The following FBXL17 variants were observed in gnomAD, a reference collection of about 807,000 sequenced individuals.
FBXL17 encodes the protein F-box/LRR-repeat protein 17.
A neutral mutation model predicts 66.2 loss-of-function variants in FBXL17; 22 were observed. That is an observed-to-expected ratio of 0.33 (90% CI 0.24 to 0.47). The LOEUF (loss-of-function observed/expected upper bound fraction) is 0.47, where lower values mean the gene tolerates loss of function less well. Among genes scored for constraint, FBXL17 ranks in the 20% least tolerant of loss-of-function variants. FBXL17 has a pLI of 1.00. For synonymous variants in FBXL17, 474 were observed against 400.5 expected (o/e 1.18, Z -2.19); for missense variants, 878 against 948.2 (o/e 0.93, Z 0.97).
rs557200639 is a variant in FBXL17, at chr5:108,239,793, G to A, written c.1507-15565C>T. Among the ~76,000 whole-genome samples, 7 of 151,996 alleles carry A rather than the reference G, an allele frequency of 4.6e-5. No individual in the cohort carries two copies. The South Asian group carries it at 1.5e-3, about 32-fold the overall frequency. ...CTAGGCAGCACAGCTTGCAGCTCCA[G>A]GAGAGACTCCTTCCTTCCGCTTGAA... On this transcript the variant is annotated intron_variant, in intron 4 of 8. Coordinates refer to ENST00000542267, the MANE Select transcript of FBXL17 (RefSeq NM_001163315.3).
intron 7 of FBXL17, among the ~76,000 whole-genome samples, chr5:108,006,913 A>G (rs952792140): frequency 6.6e-6 from 1 of 152,230 alleles, no homozygotes; most frequent in South Asian, 2.1e-4. Context: ...CAAGATGCAC[A>G]GTGGCATTCC....
At chr5:108,370,128 G>A (rs62362276) in intron 1 of FBXL17, among the ~76,000 whole-genome samples, 1 of 152,136 alleles carries the variant, frequency 6.6e-6, no homozygotes, top group Non-Finnish European at 1.5e-5. Context: ...AGAATACCCA[G>A]AGAAAATATG....
Position 108,357,806 on chromosome 5 carries a change from G to T in FBXL17, c.1374+6932C>A, listed in dbSNP as rs568473795. Among the ~76,000 whole-genome samples, 30 of 151,706 alleles carry T rather than the reference G, an allele frequency of 2.0e-4. 1 individual carries two copies. In the South Asian group the frequency reaches 6.2e-3, roughly 32 times the overall value. On this transcript the variant is annotated intron_variant, in intron 3 of 8. Coordinates refer to ENST00000542267, the MANE Select transcript of FBXL17 (RefSeq NM_001163315.3). ...TTACATAGGTATACATGAATGACAC[G>T]TTTCTTAATAACACATGGGTAAAAG...
intron 6 of FBXL17, among the ~76,000 whole-genome samples, chr5:108,069,751 G>A (rs927705894): frequency 5.3e-5 from 8 of 152,180 alleles, no homozygotes; most frequent in Admixed American, 4.6e-4. Context: ...CACAGCTGGA[G>A]GAAGAAATAA....
chr5:108,086,212 G>A (rs1436831221), intron 6 of FBXL17, among the ~76,000 whole-genome samples: 2 of 152,080 alleles, frequency 1.3e-5, no homozygotes, highest in East Asian at 3.9e-4. Context: ...ACCTAGAAAG[G>A]TCACAGTCTC....
In FBXL17 at chr5:108,381,818, A is replaced by G. The variant is rs1749982531; in HGVS notation, c.-127T>C. ...GGGGTCGCCCTTCCTGCGCACACAC[A>G]CGCACACACGGGCACACACGCGACG... is the stretch of plus-strand genomic sequence containing the variant. On this transcript the variant is annotated 5_prime_UTR_variant, in exon 1 of 9. Coordinates refer to ENST00000542267, the MANE Select transcript of FBXL17 (RefSeq NM_001163315.3). The G allele has an allele frequency of 3.0e-6, 4 of 1,332,616 alleles. No individual in the cohort carries two copies. The South Asian group carries it at 7.3e-5, about 24-fold the overall frequency. The allele number at this position is 1,332,616 out of a possible 1,614,324, so 82.5% of individuals were successfully genotyped here. A position where few individuals can be genotyped will look rare whatever the true frequency, so the allele number is the denominator to read the frequency against.
chr5:108,174,356 T>C (rs1311024685), intron 6 of FBXL17, among the ~76,000 whole-genome samples: 4 of 152,230 alleles, frequency 2.6e-5, no homozygotes, highest in Non-Finnish European at 5.9e-5. Context: ...TCTAACATTT[T>C]TTAATTATAT....
chr5:108,150,312 T>C (rs1751720826), intron 6 of FBXL17, among the ~76,000 whole-genome samples: 1 of 152,150 alleles, frequency 6.6e-6, no homozygotes, highest in Non-Finnish European at 1.5e-5. Flanking sequence ...CAAGTGATCC[T>C]CCCACCTCAG....
At chr5:108,360,114 T>A (rs949283710) in intron 3 of FBXL17, among the ~76,000 whole-genome samples, 1 of 152,158 alleles carries the variant, frequency 6.6e-6, no homozygotes, top group Non-Finnish European at 1.5e-5. Flanking sequence ...ACAGCTATTA[T>A]AGCTCTCTTC....
intron 7 of FBXL17, among the ~76,000 whole-genome samples, chr5:107,967,143 T>C (rs1752173707): frequency 6.6e-6 from 1 of 152,118 alleles, no homozygotes; most frequent in Non-Finnish European, 1.5e-5. Flanking sequence ...ATTGGAGTCC[T>C]TGTGAGTTAG....
intron 7 of FBXL17, among the ~76,000 whole-genome samples, chr5:107,884,124 C>T (rs191097507): frequency 6.6e-6 from 1 of 152,148 alleles, no homozygotes; most frequent in Non-Finnish European, 1.5e-5. Context: ...CTTGATGTTA[C>T]GAAGTTTATA....
intron 3 of FBXL17, among the ~76,000 whole-genome samples, chr5:108,359,117 T>C (rs1748185758): frequency 6.6e-6 from 1 of 152,160 alleles, no homozygotes; most frequent in African/African-American, 2.4e-5. Context: ...TTCATGGTTT[T>C]CTCATACAAT....
At chr5:108,010,685 G>C (rs970491220) in intron 7 of FBXL17, among the ~76,000 whole-genome samples, 1 of 152,162 alleles carries the variant, frequency 6.6e-6, no homozygotes, top group South Asian at 2.1e-4. Context: ...GGTGTATCTT[G>C]ACATAACGAG....
At chr5:108,249,854 T>C (rs941280360) in intron 4 of FBXL17, among the ~76,000 whole-genome samples, 1 of 152,134 alleles carries the variant, frequency 6.6e-6, no homozygotes, top group East Asian at 1.9e-4. Flanking sequence ...TGCTGAGGGC[T>C]ACCACATTAG....
intron 5 of FBXL17, among the ~76,000 whole-genome samples, chr5:108,206,486 T>C (rs1175095205): frequency 6.6e-6 from 1 of 152,140 alleles, no homozygotes. Flanking sequence ...ACATAATATA[T>C]GTCATCCCCC....
At chr5:108,302,268 C>A (rs1402734913) in intron 4 of FBXL17, among the ~76,000 whole-genome samples, 1 of 151,712 alleles carries the variant, frequency 6.6e-6, no homozygotes, top group African/African-American at 2.4e-5. Flanking sequence ...CATGAATACA[C>A]CAACATATTG....
intron 4 of FBXL17, among the ~76,000 whole-genome samples, chr5:108,251,655 C>T (rs955508792): frequency 6.6e-6 from 1 of 152,078 alleles, no homozygotes; most frequent in Non-Finnish European, 1.5e-5. Flanking sequence ...ACACAACATG[C>T]AGTAGCTTTC....
At chr5:108,096,021 A>G (rs1050729870) in intron 6 of FBXL17, among the ~76,000 whole-genome samples, 1 of 152,230 alleles carries the variant, frequency 6.6e-6, no homozygotes, top group Non-Finnish European at 1.5e-5. Context: ...CATGATTACC[A>G]TATCAATCTA....
chr5:108,341,270 G>A (rs1030824940), intron 4 of FBXL17, among the ~76,000 whole-genome samples: 1 of 152,176 alleles, frequency 6.6e-6, no homozygotes, highest in South Asian at 2.1e-4. Flanking sequence ...TTAACCATAT[G>A]TCACTAGATA....
Sources: allele counts gnomAD v4.1 joint callset (sites outside exome capture counted in the v4.1 genomes callset), GRCh38; gene constraint gnomAD v4.1.1; transcripts MANE v1.5; gene names NCBI Gene and HGNC (gene_info 2026-07-23, HGNC 2026-07-21).